CDH23: variants seen among roughly 807,000 people sequenced by gnomAD.
CDH23 encodes the protein cadherin related 23.
A neutral mutation model predicts 317.1 loss-of-function variants in CDH23; 189 were observed. The observed-to-expected ratio is 0.60, with a 90% CI of 0.53 to 0.67. CDH23 has a LOEUF of 0.67. CDH23 is among the 30% of genes least tolerant of loss of function. The pLI is 0.00. For synonymous variants in CDH23, 1,839 were observed against 1,876.8 expected (o/e 0.98, Z 0.52); for missense variants, 4,401 against 4,592.4 (o/e 0.96, Z 1.20).
At chr10:71,473,152 G>A (rs1589114847) in intron 3 of CDH23, among the ~76,000 whole-genome samples, 2 of 152,178 alleles carry the variant, frequency 1.3e-5, no homozygotes, top group East Asian at 3.9e-4. Flanking sequence ...TCTGGGCAAA[G>A]CCTCCTGGCC....
chr10:71,574,236 G>A (rs540505781), intron 8 of CDH23, among the ~76,000 whole-genome samples: 1 of 152,026 alleles, frequency 6.6e-6, no homozygotes, highest in Admixed American at 6.5e-5. Flanking sequence ...CAGCGTATCA[G>A]GTTAGCATGC....
At chr10:71,662,270 T>G (rs895073050) in intron 14 of CDH23, among the ~76,000 whole-genome samples, 1 of 152,070 alleles carries the variant, frequency 6.6e-6, no homozygotes, top group African/African-American at 2.4e-5. Context: ...GAGCCGCATG[T>G]GCCAACCCAA....
chr10:71,684,300 C>T (rs910358627), intron 18 of CDH23, among the ~76,000 whole-genome samples: 1 of 152,144 alleles, frequency 6.6e-6, no homozygotes, highest in Non-Finnish European at 1.5e-5. Flanking sequence ...CTCCTCTAAT[C>T]GTAGCTGCAC....
chr10:71,420,809 G>A (rs2131949781), intron 1 of CDH23, among the ~76,000 whole-genome samples: 1 of 152,202 alleles, frequency 6.6e-6, no homozygotes, highest in African/African-American at 2.4e-5. Flanking sequence ...TTGGCAGTCA[G>A]CCTGGCTGCT....
At chr10:71,517,728 A>G (rs949081043) in intron 6 of CDH23, among the ~76,000 whole-genome samples, 2 of 152,164 alleles carry the variant, frequency 1.3e-5, no homozygotes, top group Non-Finnish European at 2.9e-5. Flanking sequence ...CTGCATCTAT[A>G]ACCATGCACC....
intron 6 of CDH23, among the ~76,000 whole-genome samples, chr10:71,527,811 AG>A (rs1855126519): frequency 6.6e-6 from 1 of 152,216 alleles, no homozygotes; most frequent in African/African-American, 2.4e-5. Context: ...TGAAGCACTT[AG>A]GAACAGGACT....
chr10:71,737,079 A>G (rs7910873), intron 34 of CDH23, among the ~76,000 whole-genome samples: 63 of 152,274 alleles, frequency 4.1e-4, no homozygotes, highest in African/African-American at 1.5e-3. Flanking sequence ...ATCCGATCAC[A>G]AGGACCCTTG....
At chr10:71,445,485 C>T (rs1850111872) in intron 2 of CDH23, among the ~76,000 whole-genome samples, 1 of 152,180 alleles carries the variant, frequency 6.6e-6, no homozygotes. Context: ...AGCCACACTG[C>T]CCAATAGAAA....
chr10:71,503,133 G>A (rs1853431540), intron 3 of CDH23, among the ~76,000 whole-genome samples: 1 of 152,256 alleles, frequency 6.6e-6, no homozygotes, highest in African/African-American at 2.4e-5. Flanking sequence ...TGCTGCTGAG[G>A]GCCGAGGCCA....
intron 19 of CDH23, 65 bp downstream of exon 19, chr10:71,687,784 G>A (rs1864968898): frequency 6.8e-7 from 1 of 1,459,990 alleles, no homozygotes; most frequent in Admixed American, 1.7e-5. Flanking sequence ...ACGGCACCCA[G>A]GATGTGCAGA....
At chr10:71,774,980 T>C (rs1439952843) in intron 38 of CDH23, among the ~76,000 whole-genome samples, 1 of 152,114 alleles carries the variant, frequency 6.6e-6, no homozygotes, top group East Asian at 1.9e-4. Context: ...AGGCATCATG[T>C]TATTACTAAG....
chr10:71,433,067 C>A lies in CDH23; in HGVS notation c.-5-6760C>A, dbSNP rs115156834. Among the ~76,000 whole-genome samples, 892 of 152,280 alleles carry A rather than the reference C, an allele frequency of 5.9e-3. 8 individuals are homozygous for A. The highest frequency in any genetic ancestry group is 0.021 in the African/African-American group (862 of 41,542). ...ATAAATGAGGCCACTGATGTCAACA[C>A]GTTGAATGCTTATTGCAGAAGATAG... On this transcript the variant is annotated intron_variant, in intron 1 of 69. Transcript: ENST00000224721.
chr10:71,785,634 G>T lies in CDH23; in HGVS notation c.5716G>T (p.Gly1906Trp). The stretch of plus-strand genomic sequence containing the variant: ...CTCACCACCCTCCACATCCCAGACA[G>T]GGATCGTCACTGTGAACCGGCCCCT... Reference protein sequence around the residue: ...ERAFFINATTGIVTVNRPLDR... With the variant: ...ERAFFINATTWIVTVNRPLDR... Residue 1906 changes from glycine (G) to tryptophan (W), a missense_variant, in exon 44 of 70, where the codon GGG becomes TGG. Coordinates refer to ENST00000224721, the MANE Select transcript of CDH23 (RefSeq NM_022124.6). 2 of 1,591,704 alleles carry T rather than the reference G, an allele frequency of 1.3e-6. No individual in the cohort carries two copies. Among genetic ancestry groups the T allele is most frequent in the Non-Finnish European group, 8.6e-7 (1 of 1,167,950 alleles).
intron 6 of CDH23, among the ~76,000 whole-genome samples, chr10:71,541,355 G>T (rs1214058407): frequency 6.6e-6 from 1 of 152,184 alleles, no homozygotes; most frequent in African/African-American, 2.4e-5. Context: ...ACACACTCAA[G>T]CCTCAGCCAG....
chr10:71,772,181 C>G (rs1840700723), intron 38 of CDH23, among the ~76,000 whole-genome samples: 1 of 152,226 alleles, frequency 6.6e-6, no homozygotes, highest in Non-Finnish European at 1.5e-5. Context: ...CCCTCCTCCT[C>G]CTCAGAGGCC....
At chr10:71,468,003 C>T (rs1851335504) in intron 3 of CDH23, among the ~76,000 whole-genome samples, 1 of 152,172 alleles carries the variant, frequency 6.6e-6, no homozygotes, top group Admixed American at 6.5e-5. Flanking sequence ...GAAAAGTGGG[C>T]AGACACTTAA....
In CDH23 at chr10:71,656,830, T is replaced by C. The variant is rs541792741; in HGVS notation, c.1449+10213T>C. 3.3e-5 allele frequency among the ~76,000 whole-genome samples: 5 copies of C among 152,076 alleles called. No homozygotes were observed. In the South Asian group the frequency reaches 1.0e-3, roughly 32 times the overall value. The stretch of plus-strand genomic sequence containing the variant: ...GAGGGGCATGGAGGCCGGGAGGTGA[T>C]GAGGCCTGGGAGCCCATCGTGGGTA... On this transcript the variant is annotated intron_variant, in intron 14 of 69. Transcript: ENST00000224721.
At chr10:71,811,820 G>C in intron 65 of CDH23, 67 bp downstream of exon 65, 1 of 1,472,836 alleles carries the variant, frequency 6.8e-7, no homozygotes, top group Non-Finnish European at 8.9e-7. Flanking sequence ...AGTGCCCACC[G>C]GAGCCACAAG....
intron 30 of CDH23, among the ~76,000 whole-genome samples, chr10:71,728,816 G>C (rs756326658): frequency 6.6e-6 from 1 of 152,100 alleles, no homozygotes; most frequent in Non-Finnish European, 1.5e-5. Flanking sequence ...CAATCCTCCC[G>C]CCTCAGCCTC....
Sources: allele counts gnomAD v4.1 joint callset (sites outside exome capture counted in the v4.1 genomes callset), GRCh38; gene constraint gnomAD v4.1.1; transcripts MANE v1.5; gene names NCBI Gene and HGNC (gene_info 2026-07-23, HGNC 2026-07-21).